Variants in NELL1 observed in about 807,000 individuals in gnomAD.
NELL1 encodes neural EGFL like 1.
Under a neutral mutation model 107.4 loss-of-function variants are expected in NELL1, and 76 were observed. The observed-to-expected ratio is 0.71, with a 90% confidence interval of 0.59 to 0.86. NELL1 has a LOEUF of 0.86. Among genes scored for constraint, NELL1 ranks in the 40% least tolerant of loss-of-function variants. The probability of loss-of-function intolerance (pLI) is 0.00; values close to 1 mark genes in which losing one functional copy is unlikely to be tolerated. For synonymous variants in NELL1, 353 were observed against 341.2 expected (o/e 1.03, Z -0.38); for missense variants, 1,024 against 1,005.5 (o/e 1.02, Z -0.25).
intron 4 of NELL1, among the ~76,000 whole-genome samples, chr11:20,856,926 A>G (rs530286177): frequency 2.0e-5 from 3 of 152,318 alleles, no homozygotes; most frequent in African/African-American, 4.8e-5. Flanking sequence ...GCTAAGTGTA[A>G]GGTACATGGA....
At chr11:21,353,164 C>T (rs376099347) in intron 14 of NELL1, among the ~76,000 whole-genome samples, 363 of 152,190 alleles carry the variant, frequency 2.4e-3, no homozygotes, top group African/African-American at 8.2e-3. Flanking sequence ...CCCTTCATGG[C>T]CAGTATCATG....
At chr11:20,974,888 A>G (rs1851573536) in intron 12 of NELL1, among the ~76,000 whole-genome samples, 1 of 152,224 alleles carries the variant, frequency 6.6e-6, no homozygotes, top group South Asian at 2.1e-4. Context: ...TGATGCCTCA[A>G]TCTACTTCCA....
chr11:21,381,462 T>G (rs1363992227), intron 15 of NELL1, among the ~76,000 whole-genome samples: 2 of 151,944 alleles, frequency 1.3e-5, no homozygotes, highest in Non-Finnish European at 2.9e-5. Flanking sequence ...TACTTCATAA[T>G]TTTATTGTGA....
At chr11:20,970,152 T>A (rs1248565699) in intron 12 of NELL1, among the ~76,000 whole-genome samples, 1 of 151,622 alleles carries the variant, frequency 6.6e-6, no homozygotes, top group Non-Finnish European at 1.5e-5. Flanking sequence ...ATAGTTTGTG[T>A]AGAGTCATTG....
intron 12 of NELL1, among the ~76,000 whole-genome samples, chr11:21,047,680 T>G (rs1853390250): frequency 6.6e-6 from 1 of 152,210 alleles, no homozygotes; most frequent in South Asian, 2.1e-4. Flanking sequence ...GTATTAGGTT[T>G]TAGTACCAAG....
At chr11:21,264,323 G>A (rs1247053961) in intron 14 of NELL1, among the ~76,000 whole-genome samples, 2 of 151,826 alleles carry the variant, frequency 1.3e-5, no homozygotes, top group African/African-American at 4.8e-5. Flanking sequence ...TAGAATAACA[G>A]CTGTCTTGTA....
At position 21,526,998 on chromosome 11, in the gene NELL1, G is replaced by A. The variant is rs561812582; in HGVS notation, c.1646-7376G>A. On this transcript the variant is annotated intron_variant, in intron 15 of 19. Coordinates refer to ENST00000357134, the MANE Select transcript of NELL1 (RefSeq NM_006157.5). ...TGCTGCCTGCTTGAATTTCTTCCCA[G>A]AAAATGGGGTCTTCTCTTCTACTGC... Among the ~76,000 whole-genome samples, 3 of 152,300 alleles carry A rather than the reference G, an allele frequency of 2.0e-5. No homozygotes were observed. In the East Asian group the frequency reaches 5.8e-4, roughly 29 times the overall value.
chr11:20,994,328 G>A (rs1397695961), intron 12 of NELL1, among the ~76,000 whole-genome samples: 4 of 152,080 alleles, frequency 2.6e-5, no homozygotes, highest in African/African-American at 7.2e-5. Flanking sequence ...TCAAAGCTGC[G>A]GTAAAAGAAA....
At chr11:20,900,605 ATCT>A (rs752979815) in intron 5 of NELL1, among the ~76,000 whole-genome samples, 18 of 152,148 alleles carry the variant, frequency 1.2e-4, no homozygotes, top group Non-Finnish European at 2.2e-4. Context: ...AATACCACTC[ATCT>A]AATTTTATGA....
chr11:20,765,723 G>A (rs1251080001), intron 2 of NELL1, among the ~76,000 whole-genome samples: 1 of 152,180 alleles, frequency 6.6e-6, no homozygotes, highest in African/African-American at 2.4e-5. Flanking sequence ...TGAGGTGGGA[G>A]TTGGGCCTGG....
intron 1 of NELL1, among the ~76,000 whole-genome samples, chr11:20,676,928 A>G (rs1039640985): frequency 6.6e-6 from 1 of 152,228 alleles, no homozygotes; most frequent in Non-Finnish European, 1.5e-5. Context: ...TGGCTTAAAC[A>G]TAGCCCCTTA....
intron 13 of NELL1, among the ~76,000 whole-genome samples, chr11:21,128,482 G>A (rs559100626): frequency 1.3e-4 from 20 of 152,252 alleles, no homozygotes; most frequent in African/African-American, 4.6e-4. Context: ...AATATCTTCA[G>A]ATTAAAGCCA....
chr11:21,570,667 C>T, intron 17 of NELL1, 97 bp from the exon 18 acceptor site: 3 of 1,134,296 alleles, frequency 2.6e-6, no homozygotes, highest in Non-Finnish European at 3.8e-6. Flanking sequence ...GAGAGGTGGC[C>T]AGGGGGTGAC....
intron 3 of NELL1, among the ~76,000 whole-genome samples, chr11:20,842,625 C>G (rs1848640581): frequency 6.6e-6 from 1 of 152,120 alleles, no homozygotes; most frequent in Non-Finnish European, 1.5e-5. Flanking sequence ...TTGTTTAAAT[C>G]CTGAATCTGT....
At chr11:20,980,433 G>A (rs909045356) in intron 12 of NELL1, among the ~76,000 whole-genome samples, 21 of 152,128 alleles carry the variant, frequency 1.4e-4, no homozygotes, top group Non-Finnish European at 2.8e-4. Flanking sequence ...GTGAGCTGCA[G>A]TTTCCTGATG....
intron 3 of NELL1, among the ~76,000 whole-genome samples, chr11:20,814,845 G>C (rs749887450): frequency 5.8e-4 from 89 of 152,142 alleles, no homozygotes; most frequent in Non-Finnish European, 7.5e-4. Flanking sequence ...TCAAATGGTA[G>C]TTCTGTTTTA....
At chr11:21,559,552 G>C (rs190939080) in intron 16 of NELL1, among the ~76,000 whole-genome samples, 21 of 152,188 alleles carry the variant, frequency 1.4e-4, no homozygotes, top group Admixed American at 1.2e-3. Context: ...CATCCATATA[G>C]CAATTATTTT....
intron 12 of NELL1, among the ~76,000 whole-genome samples, chr11:21,021,381 A>C (rs1386753637): frequency 1.3e-5 from 2 of 152,064 alleles, no homozygotes; most frequent in African/African-American, 2.4e-5. Flanking sequence ...TCAATTAACT[A>C]TGGCCCATAG....
Position 21,534,484 on chromosome 11 carries a change from A to T in NELL1, c.1756A>T (p.Thr586Ser), listed in dbSNP as rs1379595766. 1 of 1,613,646 alleles carries T rather than the reference A, an allele frequency of 6.2e-7. No individual in the cohort carries two copies. Among genetic ancestry groups the T allele is most frequent in the Non-Finnish European group, 8.5e-7 (1 of 1,179,822 alleles). Residue 586 changes from threonine to serine, a missense_variant, in exon 16 of 20, where the codon ACC (threonine) becomes TCC (serine). Thr to Ser is a moderately conservative substitution (Grantham distance 58). Coordinates refer to ENST00000357134, the MANE Select transcript of NELL1 (RefSeq NM_006157.5). Reference sequence around the variant, plus strand: ...CAGAAGCGGTTTCCATGACGATGGGACCTATTCACTGTCCGGGGAGTCCTG... The same window carrying T: ...CAGAAGCGGTTTCCATGACGATGGGTCCTATTCACTGTCCGGGGAGTCCTG... ...ECRSGFHDDGTYSLSGESCID... is the reference protein window; with the variant it reads ...ECRSGFHDDGSYSLSGESCID...
Sources: gnomAD v4.1 joint callset for allele counts (sites outside exome capture counted in the v4.1 genomes callset) on GRCh38, gnomAD v4.1.1 for gene constraint, MANE v1.5 for transcripts, NCBI Gene and HGNC (gene_info 2026-07-23, HGNC 2026-07-21) for gene names.